Variants in KIF5C observed in about 807,000 individuals in gnomAD.
The protein encoded by KIF5C is kinesin family member 5C, also known as kinesin heavy chain isoform 5C.
KIF5C carries 18 observed loss-of-function variants against 125.2 expected under a neutral mutation model. That is an observed-to-expected ratio of 0.14 (90% CI 0.10 to 0.21). KIF5C has a LOEUF of 0.21. KIF5C is among the 10% of genes least tolerant of loss of function. The pLI, the probability that KIF5C is intolerant of heterozygous loss-of-function variation, is 1.00. For synonymous variants in KIF5C, 405 were observed against 434.0 expected (o/e 0.93, Z 0.83); for missense variants, 780 against 1,183.8 (o/e 0.66, Z 5.01).
rs1280855812 is a variant in KIF5C, at chr2:149,025,835, A to G, written c.*2765A>G. ...AATTACTAGAGAATTCTGTGCAAACATATCATCTCTTCAAATGCTGCACAC... is the reference window on the plus strand; with the variant it reads ...AATTACTAGAGAATTCTGTGCAAACGTATCATCTCTTCAAATGCTGCACAC... On this transcript the variant is annotated 3_prime_UTR_variant, in exon 26 of 26. Coordinates refer to ENST00000435030, the MANE Select transcript of KIF5C (RefSeq NM_004522.3). 16 of 152,680 alleles carry G rather than the reference A, an allele frequency of 1.0e-4. No homozygotes were observed. The highest frequency in any genetic ancestry group is 1.0e-3 in the Admixed American group (16 of 15,286). 9.5% of individuals were successfully genotyped at this position (152,680 alleles called of 1,614,324 possible). A position where few individuals can be genotyped will look rare whatever the true frequency, so the allele number is the denominator to read the frequency against.
At chr2:148,891,919 A>G (rs1681718288) in intron 1 of KIF5C, among the ~76,000 whole-genome samples, 1 of 152,142 alleles carries the variant, frequency 6.6e-6, no homozygotes, top group African/African-American at 2.4e-5. Flanking sequence ...GCTGGTCTCA[A>G]ACTCCTGATC....
At chr2:148,936,239 C>T (rs1489604488) in intron 3 of KIF5C, among the ~76,000 whole-genome samples, 3 of 152,212 alleles carry the variant, frequency 2.0e-5, no homozygotes, top group African/African-American at 4.8e-5. Context: ...GCTAAGACTG[C>T]ACCACTGCAC....
chr2:148,888,204 G>T (rs1681605672), intron 1 of KIF5C: 1 of 152,256 alleles, frequency 6.6e-6, no homozygotes, highest in South Asian at 2.1e-4. Context: ...CAGGCTCGCG[G>T]CTCCTCGGGG....
intron 10 of KIF5C, among the ~76,000 whole-genome samples, chr2:148,956,865 T>C (rs952700271): frequency 4.6e-5 from 7 of 152,242 alleles, no homozygotes; most frequent in African/African-American, 9.6e-5. Flanking sequence ...CACTTTTGTA[T>C]TTCTTTGTGA....
intron 10 of KIF5C, among the ~76,000 whole-genome samples, chr2:148,959,591 G>A (rs148321132): frequency 6.6e-6 from 1 of 152,300 alleles, no homozygotes; most frequent in Non-Finnish European, 1.5e-5. Context: ...TCGGGCTCCA[G>A]TGTGAGACAC....
At chr2:148,933,375 T>C (rs1461336596) in intron 3 of KIF5C, among the ~76,000 whole-genome samples, 2 of 152,004 alleles carry the variant, frequency 1.3e-5, no homozygotes, top group African/African-American at 4.8e-5. Context: ...CAAGGGTCAG[T>C]GTAGAAGCAG....
At chr2:148,969,981 G>C (rs1342132570) in intron 11 of KIF5C, among the ~76,000 whole-genome samples, 1 of 152,158 alleles carries the variant, frequency 6.6e-6, no homozygotes, top group East Asian at 1.9e-4. Flanking sequence ...TTTAGTTCCT[G>C]CGTGTTGCGG....
intron 1 of KIF5C, among the ~76,000 whole-genome samples, chr2:148,906,714 A>G (rs1681122213): frequency 6.6e-6 from 1 of 151,364 alleles, no homozygotes; most frequent in South Asian, 2.1e-4. Context: ...AAAATACAAA[A>G]ATTACCTGGG....
rs1682590627 is a variant in KIF5C, at chr2:149,023,303, TACTGAGAACCATTACCACCG to T, written c.*237_*256del. 1 of 152,354 alleles carries T rather than the reference TACTGAGAACCATTACCACCG, an allele frequency of 6.6e-6. No individual in the cohort carries two copies. Among genetic ancestry groups the T allele is most frequent in the South Asian group, 2.1e-4 (1 of 4,818 alleles). The allele number at this position is 152,354 out of a possible 1,614,324, so 9.4% of individuals were successfully genotyped here. ...AGATGGTTGCAGAAGATCCACTTAC[TACTGAGAACCATTACCACCG>T]ACTCGGCCTCCGGGGTGTTGGGTGG... On this transcript the variant is annotated 3_prime_UTR_variant, in exon 26 of 26. Transcript: ENST00000435030.
intron 2 of KIF5C, among the ~76,000 whole-genome samples, chr2:148,927,577 T>C (rs1231432103): frequency 6.6e-6 from 1 of 152,186 alleles, no homozygotes; most frequent in Non-Finnish European, 1.5e-5. Flanking sequence ...GATATTGTGA[T>C]GTAGCCAGCA....
At chr2:148,885,219 C>T (rs564041767) in intron 1 of KIF5C, among the ~76,000 whole-genome samples, 6 of 152,242 alleles carry the variant, frequency 3.9e-5, no homozygotes, top group Admixed American at 2.0e-4. Flanking sequence ...CTCCTGAGCT[C>T]GAGCAATCCA....
intron 25 of KIF5C, among the ~76,000 whole-genome samples, 152 bp from the exon 26 acceptor site, chr2:149,022,926 A>AAAAC (rs1038254945): frequency 8.5e-5 from 13 of 152,166 alleles, no homozygotes; most frequent in African/African-American, 3.1e-4. Context: ...CTCCATCTCA[A>AAAAC]AAACAAACAA....
chr2:148,875,768 C>G (rs759321382), intron 1 of KIF5C, 25 bp downstream of exon 1: 2 of 1,589,958 alleles, frequency 1.3e-6, no homozygotes, highest in South Asian at 2.3e-5. Flanking sequence ...CGTCTGCCTT[C>G]CCTGCTGCTC....
chr2:148,997,089 G>A (rs1681696711), intron 17 of KIF5C, among the ~76,000 whole-genome samples, 175 bp from the exon 18 acceptor site: 1 of 152,252 alleles, frequency 6.6e-6, no homozygotes, highest in South Asian at 2.1e-4. Flanking sequence ...GGAGGGGGCA[G>A]CCTTGGCTTT....
chr2:148,899,428 G>A (rs80339246), intron 1 of KIF5C, among the ~76,000 whole-genome samples: 1,860 of 152,228 alleles, frequency 0.012, 35 homozygotes, highest in African/African-American at 0.043. Flanking sequence ...GGGTCCAGGC[G>A]TGGTGGCTCA....
intron 15 of KIF5C, among the ~76,000 whole-genome samples, chr2:148,987,732 C>A (rs1681419713): frequency 6.6e-6 from 1 of 152,138 alleles, no homozygotes; most frequent in Non-Finnish European, 1.5e-5. Context: ...ACCTTGCTAC[C>A]TTCAAAGGAA....
chr2:148,997,074 C>T (rs1214001505), intron 17 of KIF5C, among the ~76,000 whole-genome samples, 190 bp from the exon 18 acceptor site: 3 of 152,254 alleles, frequency 2.0e-5, no homozygotes, highest in Non-Finnish European at 4.4e-5. Flanking sequence ...GGAAGGAATG[C>T]TTCAGGAGGG....
chr2:148,944,839 C>A (rs769833709), intron 7 of KIF5C, among the ~76,000 whole-genome samples: 2 of 152,094 alleles, frequency 1.3e-5, no homozygotes, highest in Non-Finnish European at 2.9e-5. Context: ...TTTATAATAG[C>A]CATCCAAATG....
Position 148,976,245 on chromosome 2 carries a change from T to TTTTTTTTATTTATTTA in KIF5C, c.1294-2674_1294-2673insTTTTATTTATTTATTT, listed in dbSNP as rs1553468292. ...TTATAAGGGTGTGCATATTATTTTGTTTTATTTATTTATTTATTTATTTAT... is the reference window on the plus strand; with the variant it reads ...TTATAAGGGTGTGCATATTATTTTGTTTTTTTTATTTATTTATTTATTTATTTATTTATTTATTTAT... On this transcript the variant is annotated intron_variant, in intron 12 of 25. Coordinates refer to ENST00000435030, the MANE Select transcript of KIF5C (RefSeq NM_004522.3). Among the ~76,000 whole-genome samples the TTTTTTTTATTTATTTA allele has an allele frequency of 1.9e-3, 268 of 143,930 alleles. 2 individuals carry two copies. The highest frequency in any genetic ancestry group is 5.7e-3 in the South Asian group (25 of 4,412). The allele number at this position is 143,930 out of a possible 152,430, so 94.4% of individuals were successfully genotyped here. A position where few individuals can be genotyped will look rare whatever the true frequency, so the allele number is the denominator to read the frequency against.
Sources: gnomAD v4.1 joint callset for allele counts (sites outside exome capture counted in the v4.1 genomes callset) on GRCh38, gnomAD v4.1.1 for gene constraint, MANE v1.5 for transcripts, NCBI Gene and HGNC (gene_info 2026-07-23, HGNC 2026-07-21) for gene names.